Variants in KDM4C observed in about 807,000 individuals in gnomAD.
KDM4C encodes lysine-specific demethylase 4C.
A neutral mutation model predicts 129.3 loss-of-function variants in KDM4C; 81 were observed. The observed-to-expected ratio is 0.63, with a 90% confidence interval of 0.52 to 0.75. KDM4C has a LOEUF of 0.75. Among genes scored for constraint, KDM4C ranks in the 30% least tolerant of loss-of-function variants. The pLI is 0.00. For synonymous variants in KDM4C, 573 were observed against 456.1 expected, an observed-to-expected ratio of 1.26 and a Z score of -3.26; for missense variants, 1,457 against 1,304.0, an observed-to-expected ratio of 1.12 and a Z score of -1.81.
intron 11 of KDM4C, among the ~76,000 whole-genome samples, chr9:6,987,925 GGTGGGAGGATCC>G (rs1452015615): frequency 6.6e-6 from 1 of 151,812 alleles, no homozygotes; most frequent in Non-Finnish European, 1.5e-5. Flanking sequence ...GAGAGACTGT[GGTGGGAGGATCC>G]CCTCGAGCCC....
At chr9:7,154,184 A>G (rs1300814235) in intron 19 of KDM4C, among the ~76,000 whole-genome samples, 3 of 152,214 alleles carry the variant, frequency 2.0e-5, no homozygotes, top group East Asian at 3.8e-4. Context: ...AGCCGAACAG[A>G]TGACAGATAG....
chr9:6,763,436 C>G (rs1176128245), intron 1 of KDM4C, among the ~76,000 whole-genome samples: 2 of 151,892 alleles, frequency 1.3e-5, no homozygotes, highest in African/African-American at 4.8e-5. Context: ...TAGCAGCATT[C>G]TGTAGTCTCC....
chr9:7,046,326 C>A (rs1470026380), intron 15 of KDM4C, among the ~76,000 whole-genome samples: 2 of 151,910 alleles, frequency 1.3e-5, no homozygotes, highest in African/African-American at 4.8e-5. Flanking sequence ...CTTTTTATAA[C>A]ACTATTTGCC....
At chr9:6,924,911 C>G in intron 8 of KDM4C, 4 of 984,476 alleles carry the variant, frequency 4.1e-6, no homozygotes, top group Non-Finnish European at 4.8e-6. Flanking sequence ...GGTCAGAGTA[C>G]AGCCTTTAGT....
upstream of KDM4C, chr9:6,757,653 C>T (rs1043205879): frequency 1.4e-5 from 14 of 985,380 alleles, no homozygotes; most frequent in Admixed American, 6.1e-5. Context: ...CATAGGTGCG[C>T]GTCGGCGCCC....
chr9:6,992,029 T>TC (rs397946709), intron 12 of KDM4C, among the ~76,000 whole-genome samples: 1 of 152,012 alleles, frequency 6.6e-6, no homozygotes, highest in Non-Finnish European at 1.5e-5. Context: ...CTTTTTTTTT[T>TC]GCTACTTTAT....
At chr9:6,810,791 A>G (rs1830999791) in intron 3 of KDM4C, among the ~76,000 whole-genome samples, 1 of 152,028 alleles carries the variant, frequency 6.6e-6, no homozygotes, top group South Asian at 2.1e-4. Context: ...GGATTACTTG[A>G]GCCTGGGAGG....
At chr9:6,821,590 T>G (rs935912034) in intron 4 of KDM4C, among the ~76,000 whole-genome samples, 2 of 152,190 alleles carry the variant, frequency 1.3e-5, no homozygotes, top group African/African-American at 4.8e-5. Context: ...CTTGTAAATT[T>G]GTTTGAGTTC....
At chr9:7,079,387 G>C (rs935722509) in intron 17 of KDM4C, among the ~76,000 whole-genome samples, 2 of 152,102 alleles carry the variant, frequency 1.3e-5, no homozygotes, top group African/African-American at 4.8e-5. Context: ...GTAGTAGTAC[G>C]ATCTTGGCTC....
rs185685478 is a variant in KDM4C at position 6,997,282 on chromosome 9, A to G, written c.1786+6758A>G. Among the ~76,000 whole-genome samples the G allele has an allele frequency of 2.4e-3, 361 of 152,350 alleles. 2 individuals carry two copies. The highest frequency in any genetic ancestry group is 8.2e-3 in the African/African-American group (342 of 41,582). Reference sequence around the variant, plus strand: ...GGACCAGAATGGGCGCAGAGCGATCAGAACTAGGAAACTAAAGGGCCCCTC... The same window carrying G: ...GGACCAGAATGGGCGCAGAGCGATCGGAACTAGGAAACTAAAGGGCCCCTC... On this transcript the variant is annotated intron_variant, in intron 12 of 21. Coordinates refer to ENST00000381309, the MANE Select transcript of KDM4C (RefSeq NM_015061.6).
intron 1 of KDM4C, among the ~76,000 whole-genome samples, chr9:6,760,226 A>T (rs1002196365): frequency 1.3e-5 from 2 of 151,616 alleles, no homozygotes; most frequent in Admixed American, 1.3e-4. Context: ...TCTGTGAGTG[A>T]CTTCTTTCAC....
chr9:6,752,981 C>G (rs144770365), upstream of KDM4C, among the ~76,000 whole-genome samples: 1 of 152,180 alleles, frequency 6.6e-6, no homozygotes, highest in Non-Finnish European at 1.5e-5. Flanking sequence ...TGGACTGAAA[C>G]CCATGCCTCA....
chr9:6,812,668 A>G lies in KDM4C; in HGVS notation c.321-1963A>G, dbSNP rs368058860. Among the ~76,000 whole-genome samples, 6 of 152,264 alleles carry G rather than the reference A, an allele frequency of 3.9e-5. No homozygotes were observed. The East Asian group carries it at 1.2e-3, about 29-fold the overall frequency. On this transcript the variant is annotated intron_variant, in intron 3 of 21. Coordinates refer to ENST00000381309, the MANE Select transcript of KDM4C (RefSeq NM_015061.6). Reference sequence around the variant, plus strand: ...CTCACCTGCCACTGACCTCCTATGCATCCCTGTTCCTAACAGGCCGCGGAC... The same window carrying G: ...CTCACCTGCCACTGACCTCCTATGCGTCCCTGTTCCTAACAGGCCGCGGAC...
chr9:7,010,870 T>C (rs550223792), intron 12 of KDM4C, among the ~76,000 whole-genome samples: 1 of 151,990 alleles, frequency 6.6e-6, no homozygotes, highest in African/African-American at 2.4e-5. Flanking sequence ...ATGGTGAAAC[T>C]CCACTACTAA....
At chr9:6,925,450 C>A in intron 8 of KDM4C, 1 of 823,458 alleles carries the variant, frequency 1.2e-6, no homozygotes, top group Non-Finnish European at 1.4e-6. Flanking sequence ...CCTCTTCCCC[C>A]TTCCCCCTCT....
chr9:7,091,870 A>G (rs749921138), intron 17 of KDM4C, among the ~76,000 whole-genome samples: 3 of 152,226 alleles, frequency 2.0e-5, no homozygotes, highest in Non-Finnish European at 4.4e-5. Flanking sequence ...AGAAGAAGGA[A>G]GAAGAGTTGG....
At chr9:6,978,056 C>G (rs1178991485) in intron 8 of KDM4C, among the ~76,000 whole-genome samples, 1 of 152,158 alleles carries the variant, frequency 6.6e-6, no homozygotes, top group Non-Finnish European at 1.5e-5. Context: ...AGGCACTTAT[C>G]TAGCATTTTC....
At chr9:6,763,844 G>A (rs1269625756) in intron 1 of KDM4C, among the ~76,000 whole-genome samples, 3 of 152,060 alleles carry the variant, frequency 2.0e-5, no homozygotes, top group South Asian at 2.1e-4. Context: ...CACAACCTCC[G>A]CCTCCCAGTT....
intron 18 of KDM4C, among the ~76,000 whole-genome samples, chr9:7,110,705 G>A (rs187493185): frequency 5.3e-5 from 8 of 152,208 alleles, no homozygotes; most frequent in African/African-American, 9.6e-5. Context: ...ACAGTTTCCC[G>A]CATTTGAAAA....
Sources: gnomAD v4.1 joint callset for allele counts (sites outside exome capture counted in the v4.1 genomes callset) on GRCh38, gnomAD v4.1.1 for gene constraint, MANE v1.5 for transcripts, NCBI Gene and HGNC (gene_info 2026-07-23, HGNC 2026-07-21) for gene names.